The following GDA variants were observed in gnomAD, a reference collection of about 807,000 sequenced individuals.
GDA encodes guanine deaminase, also known as cytoplasmic PSD-95 interactor.
A neutral mutation model predicts 59.6 loss-of-function variants in GDA; 18 were observed. That is an observed-to-expected ratio of 0.30 (90% CI 0.21 to 0.45). The LOEUF is 0.45. Among genes scored for constraint, GDA ranks in the 20% least tolerant of loss-of-function variants. The pLI is 1.00. For synonymous variants in GDA, 201 were observed against 201.1 expected (o/e 1.00, Z 0.00); for missense variants, 427 against 552.3 (o/e 0.77, Z 2.27).
intron 11 of GDA, among the ~76,000 whole-genome samples, chr9:72,242,487 GTAGATA>G (rs1172776615): frequency 6.6e-6 from 1 of 152,164 alleles, no homozygotes; most frequent in Non-Finnish European, 1.5e-5. Context: ...AAATTAAAAT[GTAGATA>G]TAGATTTAGA....
intron 12 of GDA, among the ~76,000 whole-genome samples, chr9:72,247,077 C>G (rs539309962): frequency 6.6e-6 from 1 of 152,284 alleles, no homozygotes; most frequent in Admixed American, 6.5e-5. Flanking sequence ...ATGAGCTTGT[C>G]TTACATCATA....
At chr9:72,203,061 T>C (rs569293625) in intron 3 of GDA, among the ~76,000 whole-genome samples, 1 of 152,344 alleles carries the variant, frequency 6.6e-6, no homozygotes, top group Non-Finnish European at 1.5e-5. Flanking sequence ...TGCTAATCCA[T>C]AATGCTGTTC....
upstream of GDA, among the ~76,000 whole-genome samples, chr9:72,144,711 A>G (rs1388105609): frequency 1.3e-5 from 2 of 152,168 alleles, no homozygotes; most frequent in African/African-American, 4.8e-5. Flanking sequence ...CACTATACAG[A>G]TAAAGTAGTT....
intron 1 of GDA, among the ~76,000 whole-genome samples, chr9:72,189,258 G>T (rs1031606910): frequency 2.2e-5 from 3 of 134,960 alleles, no homozygotes; most frequent in Non-Finnish European, 4.5e-5. Flanking sequence ...ACAGCTTACT[G>T]CAGCCTTGAC....
chr9:72,166,643 T>G (rs1829350723), intron 1 of GDA, among the ~76,000 whole-genome samples: 1 of 152,182 alleles, frequency 6.6e-6, no homozygotes, highest in African/African-American at 2.4e-5. Context: ...CCTATAAATA[T>G]GTAATATATT....
At chr9:72,125,711 G>A (rs912576145) in intron 1 of GDA, among the ~76,000 whole-genome samples, 5 of 151,958 alleles carry the variant, frequency 3.3e-5, no homozygotes, top group African/African-American at 1.2e-4. Flanking sequence ...AGAATTGTGG[G>A]GCACTTTGGT....
intron 1 of GDA, among the ~76,000 whole-genome samples, chr9:72,166,173 A>T (rs1829287977): frequency 6.6e-6 from 1 of 152,176 alleles, no homozygotes; most frequent in Non-Finnish European, 1.5e-5. Flanking sequence ...TTTATGCTAG[A>T]TTTATTTCAG....
chr9:72,246,559 G>A lies in GDA; in HGVS notation c.1267-847G>A, dbSNP rs938808781. On this transcript the variant is annotated intron_variant, in intron 12 of 13. Transcript: ENST00000358399. ...TAGGTTTGATGAAGAGTGGAAAGTT[G>A]TAGAGAAATATGATAGGACAAAGAG... Among the ~76,000 whole-genome samples the A allele has an allele frequency of 2.0e-5, 3 of 152,252 alleles. 1 individual carries two copies. The South Asian group carries it at 6.2e-4, about 31-fold the overall frequency.
intron 9 of GDA, among the ~76,000 whole-genome samples, chr9:72,230,441 A>T (rs1838187229): frequency 6.6e-6 from 1 of 151,520 alleles, no homozygotes; most frequent in Admixed American, 6.6e-5. Context: ...CAGTGAGCTG[A>T]GATTGTGCCA....
At chr9:72,153,362 ATACTTTTACACTGTTGGTGGGAC>A (rs1827468520) in intron 1 of GDA, among the ~76,000 whole-genome samples, 1 of 152,168 alleles carries the variant, frequency 6.6e-6, no homozygotes, top group Admixed American at 6.5e-5. Flanking sequence ...AGAAATAGGA[ATACTTTTACACTGTTGGTGGGAC>A]TGTAAACTAG....
At chr9:72,139,169 T>C (rs1826355054) in intron 1 of GDA, among the ~76,000 whole-genome samples, 1 of 152,226 alleles carries the variant, frequency 6.6e-6, no homozygotes, top group South Asian at 2.1e-4. Flanking sequence ...GCTTTTTTTA[T>C]ATGACTTGTT....
chr9:72,244,805 A>G (rs1267160708), intron 11 of GDA, among the ~76,000 whole-genome samples: 3 of 152,218 alleles, frequency 2.0e-5, no homozygotes, highest in Non-Finnish European at 2.9e-5. Context: ...TAAAGGTATT[A>G]TGTTAATCAT....
intron 1 of GDA, among the ~76,000 whole-genome samples, chr9:72,137,676 T>C (rs995358005): frequency 2.0e-5 from 3 of 152,178 alleles, no homozygotes; most frequent in African/African-American, 4.8e-5. Flanking sequence ...CTCAGCACTA[T>C]TGACATTTTG....
At chr9:72,156,975 T>G (rs1177099287) in intron 1 of GDA, among the ~76,000 whole-genome samples, 1 of 151,072 alleles carries the variant, frequency 6.6e-6, no homozygotes, top group East Asian at 1.9e-4. Context: ...CTAACATCAC[T>G]GAGCAGTTGA....
In GDA at chr9:72,173,819, A is replaced by AGT. The variant is rs142196983; in HGVS notation, c.124-21668_124-21667dup. On this transcript the variant is annotated intron_variant, in intron 1 of 13. Coordinates refer to ENST00000358399, the MANE Select transcript of GDA (RefSeq NM_004293.5). ...TTTGTCCTCATTTTCTCATTCTGTGAGTGTGTGTGTGTGTATCCTCAACAG... is the reference window on the plus strand; with the variant it reads ...TTTGTCCTCATTTTCTCATTCTGTGAGTGTGTGTGTGTGTGTATCCTCAACAG... 5.9e-5 allele frequency among the ~76,000 whole-genome samples: 9 copies of AGT among 151,666 alleles called. No homozygotes were observed. In the South Asian group the frequency reaches 8.4e-4, roughly 14 times the overall value.
At chr9:72,164,185 G>T (rs1350424800) in intron 1 of GDA, among the ~76,000 whole-genome samples, 1 of 152,188 alleles carries the variant, frequency 6.6e-6, no homozygotes, top group Non-Finnish European at 1.5e-5. Flanking sequence ...GTAGAGTAAA[G>T]GTTGAGAAGA....
At chr9:72,140,195 G>C (rs751473334) in intron 1 of GDA, among the ~76,000 whole-genome samples, 6 of 152,170 alleles carry the variant, frequency 3.9e-5, no homozygotes, top group Non-Finnish European at 7.3e-5. Flanking sequence ...TCAGCCTATT[G>C]TGGCAAATAA....
chr9:72,121,798 A>G (rs761964664), intron 1 of GDA, among the ~76,000 whole-genome samples: 5 of 152,130 alleles, frequency 3.3e-5, no homozygotes, highest in Non-Finnish European at 7.4e-5. Flanking sequence ...CAGTGACATC[A>G]CTGAAACTGC....
At chr9:72,258,262 G>C (rs1156477499), downstream of GDA, among the ~76,000 whole-genome samples, 5 of 151,856 alleles carry the variant, frequency 3.3e-5, no homozygotes, top group Non-Finnish European at 7.4e-5. Context: ...GCAGTGAGCT[G>C]TGATCATGCC....
Sources: gnomAD v4.1 joint callset for allele counts (sites outside exome capture counted in the v4.1 genomes callset) on GRCh38, gnomAD v4.1.1 for gene constraint, MANE v1.5 for transcripts, NCBI Gene and HGNC (gene_info 2026-07-23, HGNC 2026-07-21) for gene names.